The following SORCS2 variants were observed in gnomAD, a reference collection of about 807,000 sequenced individuals.
The protein encoded by SORCS2 is sortilin related VPS10 domain containing receptor 2.
In SORCS2, 100 loss-of-function variants were observed where a neutral mutation model predicts 141.6. The observed-to-expected ratio is 0.71, with a 90% CI of 0.60 to 0.83. SORCS2 has a LOEUF of 0.83. SORCS2 is among the 40% of genes least tolerant of loss of function. The pLI is 0.00. For missense variants in SORCS2, 1,646 were observed against 1,560.2 expected, an observed-to-expected ratio of 1.05 and a Z score of -0.93; for synonymous variants, 789 against 676.9, an observed-to-expected ratio of 1.17 and a Z score of -2.57.
At chr4:7,492,690 G>A (rs939775936) in intron 2 of SORCS2, among the ~76,000 whole-genome samples, 4 of 152,232 alleles carry the variant, frequency 2.6e-5, no homozygotes, top group Non-Finnish European at 4.4e-5. Context: ...GCCCCTTGGA[G>A]ACTGGCTGCT....
chr4:7,584,414 G>T (rs1350938861), intron 3 of SORCS2, among the ~76,000 whole-genome samples: 3 of 152,174 alleles, frequency 2.0e-5, no homozygotes, highest in Admixed American at 1.3e-4. Flanking sequence ...TCCATGATGG[G>T]CTGAAGGCAC....
chr4:7,271,167 C>T (rs1158565075), intron 1 of SORCS2, among the ~76,000 whole-genome samples: 1 of 152,230 alleles, frequency 6.6e-6, no homozygotes, highest in African/African-American at 2.4e-5. Context: ...TCTATCTCCT[C>T]TGTGCCCAGC....
At chr4:7,507,674 G>A (rs1360564105) in intron 2 of SORCS2, among the ~76,000 whole-genome samples, 1 of 152,158 alleles carries the variant, frequency 6.6e-6, no homozygotes, top group Non-Finnish European at 1.5e-5. Context: ...ACAGACGCTG[G>A]GAAGGAATCA....
At chr4:7,532,135 C>G (rs184335636) in intron 3 of SORCS2, among the ~76,000 whole-genome samples, 12 of 152,254 alleles carry the variant, frequency 7.9e-5, no homozygotes, top group Admixed American at 7.2e-4. Flanking sequence ...AGAGAGGGGT[C>G]TTTCCGAGGC....
intron 1 of SORCS2, among the ~76,000 whole-genome samples, chr4:7,380,532 G>C (rs1297305075): frequency 1.3e-5 from 2 of 152,212 alleles, no homozygotes; most frequent in East Asian, 1.9e-4. Flanking sequence ...TGCTGAGGAG[G>C]GGCTGGAGTA....
At chr4:7,208,975 C>A (rs1390248270) in intron 1 of SORCS2, among the ~76,000 whole-genome samples, 1 of 152,208 alleles carries the variant, frequency 6.6e-6, no homozygotes, top group East Asian at 1.9e-4. Context: ...CCTCAGGGGG[C>A]CCCTGCCTGC....
intron 3 of SORCS2, among the ~76,000 whole-genome samples, chr4:7,620,007 TC>T (rs1719049290): frequency 4.8e-4 from 1 of 2,100 alleles, no homozygotes; most frequent in African/African-American, 5.3e-4. Context: ...CTCTTTTTTC[TC>T]CTCCTCCTCC....
At chr4:7,550,932 G>C (rs932668943) in intron 3 of SORCS2, among the ~76,000 whole-genome samples, 1 of 152,198 alleles carries the variant, frequency 6.6e-6, no homozygotes, top group Non-Finnish European at 1.5e-5. Flanking sequence ...AACCAGCTGA[G>C]CTTGGCTTTC....
At chr4:7,478,498 C>T (rs1577630879) in intron 2 of SORCS2, among the ~76,000 whole-genome samples, 1 of 152,242 alleles carries the variant, frequency 6.6e-6, no homozygotes, top group Non-Finnish European at 1.5e-5. Flanking sequence ...ATTCACTGTC[C>T]ATTACTCTTT....
chr4:7,251,672 G>C (rs1424674040), intron 1 of SORCS2, among the ~76,000 whole-genome samples: 1 of 152,154 alleles, frequency 6.6e-6, no homozygotes, highest in Non-Finnish European at 1.5e-5. Context: ...ACACTCCCAG[G>C]CATCACGTCT....
intron 8 of SORCS2, among the ~76,000 whole-genome samples, chr4:7,668,091 G>A (rs1577920262): frequency 6.6e-6 from 1 of 152,224 alleles, no homozygotes; most frequent in Admixed American, 6.5e-5. Context: ...ATATAAACCA[G>A]AATGTGTGCT....
chr4:7,486,812 C>A (rs60859012), intron 2 of SORCS2, among the ~76,000 whole-genome samples: 18,821 of 152,212 alleles, frequency 0.12, 1,367 homozygotes, highest in East Asian at 0.25. Flanking sequence ...GTCTGTCTCT[C>A]GTGAGGACAC....
intron 6 of SORCS2, among the ~76,000 whole-genome samples, chr4:7,662,228 CCCCCT>C (rs1722222280): frequency 6.8e-6 from 1 of 147,438 alleles, no homozygotes; most frequent in East Asian, 2.1e-4. Flanking sequence ...CCACCCTCCC[CCCCCT>C]CCCCCACCCC....
intron 1 of SORCS2, among the ~76,000 whole-genome samples, chr4:7,248,342 G>GT (rs1205016212): frequency 9.2e-5 from 14 of 151,846 alleles, no homozygotes; most frequent in East Asian, 3.9e-4. Flanking sequence ...ACCGTGGGGG[G>GT]GCCCTGGGAT....
chr4:7,318,361 G>A (rs6814710), intron 1 of SORCS2, among the ~76,000 whole-genome samples: 59 of 152,046 alleles, frequency 3.9e-4, no homozygotes, highest in African/African-American at 1.4e-3. Flanking sequence ...CTTGCAAGGC[G>A]AATGCACCAT....
intron 1 of SORCS2, among the ~76,000 whole-genome samples, chr4:7,372,864 G>A (rs910978155): frequency 6.6e-6 from 1 of 152,096 alleles, no homozygotes; most frequent in Admixed American, 6.5e-5. Context: ...CCGCAGTCCT[G>A]TTGTGATTTG....
chr4:7,639,408 GCATAA>G (rs1720486283), intron 4 of SORCS2, among the ~76,000 whole-genome samples: 2 of 123,324 alleles, frequency 1.6e-5, no homozygotes, highest in Non-Finnish European at 3.6e-5. Context: ...GCTGCCTACT[GCATAA>G]GTGTGTGTGT....
At position 7,250,008 on chromosome 4, in the gene SORCS2, G is replaced by A. The variant is rs546985425; in HGVS notation, c.480+56882G>A. ...TGTAATCCTAACACTTTGGGAGGCCGAGGCGGGTGAATCACTTGAGGCCAG... is the reference window on the plus strand; with the variant it reads ...TGTAATCCTAACACTTTGGGAGGCCAAGGCGGGTGAATCACTTGAGGCCAG... On this transcript the variant is annotated intron_variant, in intron 1 of 26. Transcript: ENST00000507866. 6.6e-5 allele frequency among the ~76,000 whole-genome samples: 10 copies of A among 152,246 alleles called. No homozygotes were observed. In the East Asian group the frequency reaches 7.7e-4, roughly 12 times the overall value.
intron 1 of SORCS2, among the ~76,000 whole-genome samples, chr4:7,246,012 C>CCT (rs1387310986): frequency 1.3e-5 from 2 of 152,162 alleles, no homozygotes; most frequent in East Asian, 3.8e-4. Flanking sequence ...TGCCTTGATG[C>CCT]CTGGTTCTGT....
Sources: gnomAD v4.1 joint callset for allele counts (sites outside exome capture counted in the v4.1 genomes callset) on GRCh38, gnomAD v4.1.1 for gene constraint, MANE v1.5 for transcripts, NCBI Gene and HGNC (gene_info 2026-07-23, HGNC 2026-07-21) for gene names.